CSMD1: variants seen among roughly 807,000 people sequenced by gnomAD.
CSMD1 encodes the protein CUB and Sushi multiple domains 1.
A neutral mutation model predicts 417.5 loss-of-function variants in CSMD1; 213 were observed. The observed-to-expected ratio is 0.51, with a 90% CI of 0.46 to 0.57. The LOEUF is 0.57. CSMD1 is among the 20% of genes least tolerant of loss of function. CSMD1 has a pLI of 0.00. For synonymous variants in CSMD1, 2,862 were observed against 1,736.8 expected (o/e 1.65, Z -16.11); for missense variants, 6,923 against 4,529.7 (o/e 1.53, Z -15.17).
At chr8:3,202,918 A>G (rs2116737100) in intron 31 of CSMD1, among the ~76,000 whole-genome samples, 1 of 152,300 alleles carries the variant, frequency 6.6e-6, no homozygotes, top group East Asian at 1.9e-4. Context: ...GAAATGCTCT[A>G]AAAACTTTTT....
chr8:4,911,592 G>C (rs183252538), intron 1 of CSMD1, among the ~76,000 whole-genome samples: 37 of 152,262 alleles, frequency 2.4e-4, no homozygotes, highest in Middle Eastern at 3.4e-3. Context: ...GGATCTCAGA[G>C]CTCTCCTGAC....
In CSMD1 at chr8:3,494,554, TGATAGATAGATAGATAGATA is replaced by T. The variant is rs71199579; in HGVS notation, c.1345-848_1345-829del. Among the ~76,000 whole-genome samples, 392 of 145,734 alleles carry T rather than the reference TGATAGATAGATAGATAGATA, an allele frequency of 2.7e-3. 1 individual carries two copies. Among genetic ancestry groups the T allele is most frequent in the Admixed American group, 5.4e-3 (78 of 14,486 alleles). On this transcript the variant is annotated intron_variant, in intron 10 of 69. Transcript: ENST00000635120. The stretch of plus-strand genomic sequence containing the variant: ...GATTAGCAGATACAGACAGATTAGA[TGATAGATAGATAGATAGATA>T]GATAGATAGATAGATAGATAGATAG...
At chr8:3,271,981 T>C (rs767038601) in intron 26 of CSMD1, among the ~76,000 whole-genome samples, 5 of 152,028 alleles carry the variant, frequency 3.3e-5, no homozygotes, top group Non-Finnish European at 7.4e-5. Flanking sequence ...TTGCTTTTTG[T>C]GTTTGAGACA....
chr8:4,940,919 G>C (rs1585373436), intron 1 of CSMD1, among the ~76,000 whole-genome samples: 2 of 152,296 alleles, frequency 1.3e-5, no homozygotes, highest in African/African-American at 4.8e-5. Context: ...AAGAGGAGAA[G>C]TGTTTGGGCA....
At chr8:4,088,428 C>T (rs1026723839) in intron 3 of CSMD1, among the ~76,000 whole-genome samples, 1 of 152,222 alleles carries the variant, frequency 6.6e-6, no homozygotes, top group Non-Finnish European at 1.5e-5. Context: ...TCCAAACTCA[C>T]TGAATTTCTC....
At chr8:4,365,512 G>A (rs182858684) in intron 3 of CSMD1, among the ~76,000 whole-genome samples, 38 of 152,284 alleles carry the variant, frequency 2.5e-4, no homozygotes, top group Admixed American at 1.8e-3. Flanking sequence ...GAATCCAGGC[G>A]TTGTGATTAA....
At chr8:4,037,884 C>G (rs190414235) in intron 3 of CSMD1, among the ~76,000 whole-genome samples, 225 of 151,984 alleles carry the variant, frequency 1.5e-3, no homozygotes, top group Non-Finnish European at 1.7e-3. Flanking sequence ...CGTACAATAA[C>G]TGAAATTCAC....
At chr8:4,447,869 G>C (rs895188543) in intron 2 of CSMD1, among the ~76,000 whole-genome samples, 1 of 152,176 alleles carries the variant, frequency 6.6e-6, no homozygotes, top group Non-Finnish European at 1.5e-5. Flanking sequence ...AGTAGAGGAG[G>C]CTCGACGAAT....
At chr8:3,476,341 G>T (rs368510485) in intron 11 of CSMD1, among the ~76,000 whole-genome samples, 14 of 152,092 alleles carry the variant, frequency 9.2e-5, no homozygotes, top group East Asian at 5.8e-4. Flanking sequence ...ATATACATGT[G>T]TTTTTCCAAT....
At chr8:4,514,781 G>A (rs998425640) in intron 2 of CSMD1, among the ~76,000 whole-genome samples, 1 of 152,116 alleles carries the variant, frequency 6.6e-6, no homozygotes. Flanking sequence ...TACACACTCT[G>A]GTGATTACAT....
At chr8:3,127,203 G>A (rs1191215019) in intron 41 of CSMD1, among the ~76,000 whole-genome samples, 2 of 152,098 alleles carry the variant, frequency 1.3e-5, no homozygotes, top group African/African-American at 2.4e-5. Flanking sequence ...CAACTCTTTG[G>A]GGTCACTGTT....
At chr8:4,115,271 C>T (rs113398323) in intron 3 of CSMD1, among the ~76,000 whole-genome samples, 160 of 152,224 alleles carry the variant, frequency 1.1e-3, no homozygotes, top group African/African-American at 3.0e-3. Flanking sequence ...ACTCACTGAA[C>T]GCTTAGATAA....
At chr8:2,983,860 T>C (rs1301145973) in intron 54 of CSMD1, among the ~76,000 whole-genome samples, 1 of 152,212 alleles carries the variant, frequency 6.6e-6, no homozygotes, top group Non-Finnish European at 1.5e-5. Flanking sequence ...AATTTCAATA[T>C]AATTATTATA....
intron 1 of CSMD1, among the ~76,000 whole-genome samples, chr8:4,659,747 C>G (rs1003183501): frequency 6.6e-6 from 1 of 152,094 alleles, no homozygotes; most frequent in Non-Finnish European, 1.5e-5. Context: ...TGTGAATGTA[C>G]TGACGCCTCG....
chr8:4,624,312 A>C (rs1801969980), intron 2 of CSMD1, among the ~76,000 whole-genome samples: 1 of 152,082 alleles, frequency 6.6e-6, no homozygotes, highest in Admixed American at 6.5e-5. Flanking sequence ...TCTATTGCAG[A>C]AGAATTCTTC....
chr8:3,057,773 C>A (rs1295129162), intron 49 of CSMD1, among the ~76,000 whole-genome samples: 3 of 152,136 alleles, frequency 2.0e-5, no homozygotes, highest in African/African-American at 7.2e-5. Context: ...CTAAAGATGC[C>A]CGGACTATTG....
intron 1 of CSMD1, among the ~76,000 whole-genome samples, chr8:4,941,074 A>T: frequency 6.6e-6 from 1 of 152,360 alleles, no homozygotes; most frequent in East Asian, 1.9e-4. Flanking sequence ...CAGATAAACC[A>T]TCTCAAACAT....
At chr8:4,779,665 T>C (rs1797049172) in intron 1 of CSMD1, among the ~76,000 whole-genome samples, 1 of 152,186 alleles carries the variant, frequency 6.6e-6, no homozygotes, top group Non-Finnish European at 1.5e-5. Flanking sequence ...TTTTTATAAA[T>C]AGTCTCCATT....
intron 2 of CSMD1, among the ~76,000 whole-genome samples, chr8:4,427,853 C>A (rs1227335189): frequency 6.6e-6 from 1 of 152,044 alleles, no homozygotes; most frequent in African/African-American, 2.4e-5. Context: ...TCTTAAAACC[C>A]TGTTGAATTT....
Sources: gnomAD v4.1 joint callset for allele counts (sites outside exome capture counted in the v4.1 genomes callset) on GRCh38, gnomAD v4.1.1 for gene constraint, MANE v1.5 for transcripts, NCBI Gene and HGNC (gene_info 2026-07-23, HGNC 2026-07-21) for gene names.